The following CNBD1 variants were observed in gnomAD, a reference collection of about 807,000 sequenced individuals.
CNBD1 encodes the protein cyclic nucleotide binding domain containing 1, also known as cyclic nucleotide-binding domain-containing protein 1.
CNBD1 carries 71 observed loss-of-function variants against 54.4 expected under a neutral mutation model. The observed-to-expected ratio is 1.30, with a 90% CI of 1.08 to 1.59. CNBD1 has a LOEUF of 1.59. Ranked by LOEUF, CNBD1 falls within the 40% of genes most tolerant of loss-of-function variation. CNBD1 has a pLI of 0.00. For synonymous variants in CNBD1, 182 were observed against 170.7 expected (o/e 1.07, Z -0.51); for missense variants, 659 against 518.0 (o/e 1.27, Z -2.64).
At chr8:87,131,204 T>C (rs1812111747) in intron 4 of CNBD1, among the ~76,000 whole-genome samples, 1 of 152,188 alleles carries the variant, frequency 6.6e-6, no homozygotes, top group Non-Finnish European at 1.5e-5. Context: ...CTTGGATTTT[T>C]GTCTACCACT....
intron 8 of CNBD1, among the ~76,000 whole-genome samples, chr8:87,331,014 G>C (rs1373787198): frequency 4.0e-5 from 6 of 151,880 alleles, no homozygotes; most frequent in Admixed American, 3.9e-4. Context: ...TGATATAGTT[G>C]CTCTAATATT....
chr8:87,412,609 T>C (rs1356481351), intron 2 of CNBD1, among the ~76,000 whole-genome samples: 2 of 152,000 alleles, frequency 1.3e-5, no homozygotes, highest in Non-Finnish European at 2.9e-5. Flanking sequence ...AGACACTATG[T>C]TTTCACATTT....
intron 4 of CNBD1, among the ~76,000 whole-genome samples, chr8:87,165,108 T>C (rs190789178): frequency 6.6e-6 from 1 of 152,070 alleles, no homozygotes; most frequent in East Asian, 1.9e-4. Context: ...TTTCATCCTA[T>C]CATGATCTGA....
chr8:87,424,460 A>G lies in CNBD1; in HGVS notation c.214-4086A>G, dbSNP rs959960886. On this transcript the variant is annotated intron_variant, in intron 2 of 7. Coordinates refer to the CNBD1 transcript ENST00000521593. Reference sequence around the variant, plus strand: ...ACACTGCTTTGAATGCGTCCCAGAGATTCTGGTATGTTGTGTCTTTGTTCT... The same window carrying G: ...ACACTGCTTTGAATGCGTCCCAGAGGTTCTGGTATGTTGTGTCTTTGTTCT... 1.0e-3 allele frequency among the ~76,000 whole-genome samples: 154 copies of G among 152,082 alleles called. 2 individuals are homozygous for G. The highest frequency in any genetic ancestry group is 9.9e-3 in the Admixed American group (151 of 15,266).
chr8:87,354,466 T>C (rs984328978), intron 10 of CNBD1, among the ~76,000 whole-genome samples: 17 of 152,066 alleles, frequency 1.1e-4, no homozygotes, highest in Admixed American at 7.9e-4. Flanking sequence ...GCAGGTTTGT[T>C]ACATATGTAT....
rs141393996 is a variant in CNBD1 at position 87,006,939 on chromosome 8, G to A, written c.431+67185G>A. ...TGGCCGGGTGCCGCGGCTCACGCCT[G>A]TAATCCCAGGACTTTGGGAGGCCAA... On this transcript the variant is annotated intron_variant, in intron 4 of 10. Transcript: ENST00000518476. 5.2e-3 allele frequency among the ~76,000 whole-genome samples: 787 copies of A among 152,342 alleles called. 7 individuals carry two copies. Among genetic ancestry groups the A allele is most frequent in the African/African-American group, 0.018 (754 of 41,586 alleles).
chr8:87,253,681 A>G (rs181636033), intron 6 of CNBD1, among the ~76,000 whole-genome samples: 1 of 152,082 alleles, frequency 6.6e-6, no homozygotes, highest in Non-Finnish European at 1.5e-5. Flanking sequence ...GCCGAAATAG[A>G]TAGATTGACA....
intron 2 of CNBD1, among the ~76,000 whole-genome samples, chr8:87,396,940 A>G (rs1349923800): frequency 1.4e-5 from 2 of 144,372 alleles, no homozygotes; most frequent in East Asian, 4.0e-4. Context: ...ACTTCTTTTC[A>G]TGTAATTCAT....
chr8:87,256,578 A>G (rs900779191), intron 6 of CNBD1, among the ~76,000 whole-genome samples: 1 of 151,736 alleles, frequency 6.6e-6, no homozygotes, highest in African/African-American at 2.4e-5. Context: ...CTTCTTCAAC[A>G]AATCCATCCC....
chr8:86,927,013 G>A (rs1389259253), intron 3 of CNBD1, among the ~76,000 whole-genome samples: 2 of 152,172 alleles, frequency 1.3e-5, no homozygotes, highest in Non-Finnish European at 2.9e-5. Flanking sequence ...CTAAGGTTCA[G>A]GTGCCTGTGC....
downstream of CNBD1, among the ~76,000 whole-genome samples, chr8:87,385,815 C>T (rs1811171442): frequency 6.6e-6 from 1 of 152,166 alleles, no homozygotes; most frequent in African/African-American, 2.4e-5. Flanking sequence ...GGACAGACTG[C>T]CTCCTCAAGT....
intron 2 of CNBD1, among the ~76,000 whole-genome samples, chr8:87,399,127 A>G (rs1410764919): frequency 1.3e-5 from 2 of 152,068 alleles, no homozygotes; most frequent in African/African-American, 4.8e-5. Flanking sequence ...TTCATGTCTT[A>G]ATTTCAGTTA....
chr8:86,997,660 A>T (rs1468430909), intron 4 of CNBD1, among the ~76,000 whole-genome samples: 1 of 152,130 alleles, frequency 6.6e-6, no homozygotes, highest in Non-Finnish European at 1.5e-5. Context: ...GGCTTGTAAA[A>T]ACCACAGGAG....
intron 4 of CNBD1, among the ~76,000 whole-genome samples, chr8:87,009,836 G>T (rs1809178582): frequency 6.6e-6 from 1 of 152,052 alleles, no homozygotes; most frequent in African/African-American, 2.4e-5. Context: ...ATTTCTAGAG[G>T]ATATAAGAGA....
At chr8:87,051,392 G>A (rs1037125348) in intron 4 of CNBD1, among the ~76,000 whole-genome samples, 11 of 152,050 alleles carry the variant, frequency 7.2e-5, no homozygotes, top group African/African-American at 1.9e-4. Context: ...AGACCAGCTC[G>A]GCTGGGGAGA....
chr8:87,007,786 T>G (rs1249346488), intron 4 of CNBD1, among the ~76,000 whole-genome samples: 2 of 152,202 alleles, frequency 1.3e-5, no homozygotes, highest in African/African-American at 2.4e-5. Context: ...CATACATTAA[T>G]ATTTGTTTTT....
chr8:87,350,690 G>A (rs1300998046), intron 8 of CNBD1, among the ~76,000 whole-genome samples: 1 of 151,954 alleles, frequency 6.6e-6, no homozygotes, highest in South Asian at 2.1e-4. Flanking sequence ...ATAAAATTAT[G>A]ATAAAGTTGT....
At chr8:87,420,017 A>G (rs1807903503) in intron 2 of CNBD1, among the ~76,000 whole-genome samples, 1 of 150,792 alleles carries the variant, frequency 6.6e-6, no homozygotes, top group Non-Finnish European at 1.5e-5. Flanking sequence ...AGAAATATAT[A>G]GAAAGCACTA....
At position 87,388,599 on chromosome 8, in the gene CNBD1, G is replaced by A. The variant is rs1268857685; in HGVS notation, c.213+34813G>A. ...ACCAATAACAGGCTCTGAAATTGAG[G>A]CAACAATTAATAGCTTACCAACCAA... On this transcript the variant is annotated intron_variant, in intron 2 of 7. Transcript: ENST00000521593. Among the ~76,000 whole-genome samples the A allele has an allele frequency of 2.6e-5, 4 of 152,120 alleles. No individual in the cohort carries two copies. The South Asian group carries it at 6.2e-4, about 24-fold the overall frequency.
Sources: gnomAD v4.1 joint callset for allele counts (sites outside exome capture counted in the v4.1 genomes callset) on GRCh38, gnomAD v4.1.1 for gene constraint, MANE v1.5 for transcripts, NCBI Gene and HGNC (gene_info 2026-07-23, HGNC 2026-07-21) for gene names.